Variants in PRR16 observed in about 807,000 individuals in gnomAD.
PRR16 encodes the protein proline rich 16.
A neutral mutation model predicts 18.2 loss-of-function variants in PRR16; 6 were observed. The ratio of observed to expected loss-of-function variants is 0.33; its 90% CI spans 0.18 to 0.65. The LOEUF (loss-of-function observed/expected upper bound fraction) is 0.65. PRR16 is among the 30% of genes least tolerant of loss of function. The pLI is 0.74. For synonymous variants in PRR16, 151 were observed against 147.8 expected, an observed-to-expected ratio of 1.02 and a Z score of -0.16; for missense variants, 412 against 376.6, an observed-to-expected ratio of 1.09 and a Z score of -0.78.
chr5:120,637,446 T>C (rs1755274115), intron 1 of PRR16, among the ~76,000 whole-genome samples: 1 of 151,714 alleles, frequency 6.6e-6, no homozygotes, highest in Admixed American at 6.6e-5. Flanking sequence ...ATATGGTATG[T>C]ATGTATCATG....
chr5:120,726,807 T>C, the PRR16 span, among the ~76,000 whole-genome samples: 1 of 152,078 alleles, frequency 6.6e-6, no homozygotes, highest in African/African-American at 2.4e-5. Flanking sequence ...AGAAATGGGC[T>C]GAATTCAGGG....
intron 1 of PRR16, among the ~76,000 whole-genome samples, chr5:120,628,789 G>A (rs148449970): frequency 5.3e-5 from 8 of 151,580 alleles, no homozygotes; most frequent in African/African-American, 1.9e-4. Context: ...AGCATCTTAA[G>A]GTAGAAGCCT....
At chr5:120,789,706 T>G in the PRR16 span, among the ~76,000 whole-genome samples, 2 of 152,086 alleles carry the variant, frequency 1.3e-5, no homozygotes, top group Non-Finnish European at 2.9e-5. Context: ...ATCTTTTAAT[T>G]TAGGTATAAT....
intron 1 of PRR16, among the ~76,000 whole-genome samples, chr5:120,630,345 T>C (rs1380516883): frequency 6.6e-6 from 1 of 152,150 alleles, no homozygotes; most frequent in Non-Finnish European, 1.5e-5. Flanking sequence ...GCTTGTTCTC[T>C]GGGCTGACTT....
intron 1 of PRR16, among the ~76,000 whole-genome samples, chr5:120,624,970 G>C (rs111518083): frequency 3.9e-5 from 6 of 152,252 alleles, no homozygotes; most frequent in African/African-American, 1.2e-4. Context: ...TGTGAGATGT[G>C]CCTTTCACCT....
At chr5:120,645,341 C>A (rs909955595) in intron 1 of PRR16, among the ~76,000 whole-genome samples, 1 of 151,728 alleles carries the variant, frequency 6.6e-6, no homozygotes. Context: ...CATGCATACA[C>A]ACACACACAC....
chr5:120,696,052 C>G, the PRR16 span, among the ~76,000 whole-genome samples: 1 of 151,960 alleles, frequency 6.6e-6, no homozygotes, highest in Non-Finnish European at 1.5e-5. Context: ...ACCAGCCTGA[C>G]AAAGATGGTG....
the PRR16 span, among the ~76,000 whole-genome samples, chr5:120,733,000 G>A: frequency 2.6e-5 from 4 of 152,124 alleles, no homozygotes; most frequent in Admixed American, 6.5e-5. Context: ...TTTTGCTGTT[G>A]GAACCTGACA....
intron 1 of PRR16, among the ~76,000 whole-genome samples, chr5:120,678,343 T>C (rs1442844788): frequency 1.3e-5 from 2 of 152,192 alleles, no homozygotes; most frequent in Non-Finnish European, 2.9e-5. Context: ...GGATTAAAGA[T>C]GTTGAAAATC....
intron 1 of PRR16, among the ~76,000 whole-genome samples, chr5:120,648,003 A>G (rs2150129412): frequency 6.6e-6 from 1 of 152,236 alleles, no homozygotes; most frequent in South Asian, 2.1e-4. Context: ...TGGGTTAGCA[A>G]TTAACTAAAA....
At position 120,655,374 on chromosome 5, in the gene PRR16, CT is replaced by C. The variant is rs5870910; in HGVS notation, c.160-30566del. 7.0e-3 allele frequency among the ~76,000 whole-genome samples: 670 copies of C among 95,666 alleles called. 9 individuals are homozygous for C. The highest frequency in any genetic ancestry group is 0.027 in the Middle Eastern group (4 of 146). The allele number at this position is 95,666 out of a possible 152,430, so 62.8% of individuals were successfully genotyped here. ...ATTTATCTTCAAATCAATAATTGAC[CT>C]TTTTTTTTTTTTTAAAAAAAAAGAG... On this transcript the variant is annotated intron_variant, in intron 1 of 1. Transcript: ENST00000407149.
chr5:120,671,644 ATC>A (rs1756609383), intron 1 of PRR16, among the ~76,000 whole-genome samples: 1 of 152,204 alleles, frequency 6.6e-6, no homozygotes, highest in Non-Finnish European at 1.5e-5. Context: ...TTTGCTCAGT[ATC>A]TGAGATGTAA....
intron 1 of PRR16, among the ~76,000 whole-genome samples, chr5:120,638,365 T>A (rs1018857657): frequency 6.6e-5 from 10 of 152,098 alleles, no homozygotes; most frequent in Admixed American, 5.9e-4. Context: ...CAAACAGAAG[T>A]ATATCTAAAA....
chr5:120,646,048 TTATATA>T (rs10606917), intron 1 of PRR16, among the ~76,000 whole-genome samples: 14,955 of 104,938 alleles, frequency 0.14, 2,173 homozygotes, highest in African/African-American at 0.36. Context: ...AATACATATT[TTATATA>T]TATATATATA....
chr5:120,745,844 A>G, the PRR16 span, among the ~76,000 whole-genome samples: 2 of 142,842 alleles, frequency 1.4e-5, no homozygotes, highest in Middle Eastern at 3.7e-3. Flanking sequence ...GATTACAGGC[A>G]CCCGCCACCA....
intron 1 of PRR16, among the ~76,000 whole-genome samples, chr5:120,488,486 G>A (rs1307747442): frequency 6.6e-6 from 1 of 152,248 alleles, no homozygotes; most frequent in East Asian, 1.9e-4. Flanking sequence ...TGTGCGATTG[G>A]TGGTGATATC....
chr5:120,691,522 A>G (rs1421119569), downstream of PRR16, among the ~76,000 whole-genome samples: 2 of 152,090 alleles, frequency 1.3e-5, no homozygotes, highest in African/African-American at 4.8e-5. Flanking sequence ...TTCTGATTCC[A>G]CAGAATTATG....
chr5:120,707,698 C>G, the PRR16 span, among the ~76,000 whole-genome samples: 2 of 152,108 alleles, frequency 1.3e-5, no homozygotes, highest in Admixed American at 6.6e-5. Flanking sequence ...AAATTTGGGT[C>G]TGCACTACTC....
the PRR16 span, among the ~76,000 whole-genome samples, chr5:120,755,547 G>A: frequency 4.6e-5 from 7 of 152,002 alleles, no homozygotes; most frequent in Non-Finnish European, 8.8e-5. Context: ...CCATGTTACT[G>A]CAAATAATAT....
Sources: allele counts gnomAD v4.1 joint callset (sites outside exome capture counted in the v4.1 genomes callset), GRCh38; gene constraint gnomAD v4.1.1; transcripts MANE v1.5; gene names NCBI Gene and HGNC (gene_info 2026-07-23, HGNC 2026-07-21).